The following RNLS variants were observed in gnomAD, a reference collection of about 807,000 sequenced individuals.
The protein encoded by RNLS is renalase.
RNLS carries 39 observed loss-of-function variants against 39.8 expected under a neutral mutation model. The observed-to-expected ratio is 0.98, with a 90% CI of 0.76 to 1.28. The LOEUF is 1.28. Ranked by LOEUF, RNLS falls within the 50% of genes most tolerant of loss-of-function variation. The pLI, the probability that RNLS is intolerant of heterozygous loss-of-function variation, is 0.00. For synonymous variants in RNLS, 147 were observed against 150.7 expected (o/e 0.98, Z 0.18); for missense variants, 410 against 413.3 (o/e 0.99, Z 0.07).
the RNLS span, among the ~76,000 whole-genome samples, chr10:88,205,939 A>G: frequency 6.6e-6 from 1 of 152,172 alleles, no homozygotes; most frequent in African/African-American, 2.4e-5. Flanking sequence ...TCTTGTTGCA[A>G]TGACCAACAG....
intron 4 of RNLS, among the ~76,000 whole-genome samples, chr10:88,437,736 A>G (rs1841489598): frequency 6.6e-6 from 1 of 152,136 alleles, no homozygotes; most frequent in East Asian, 1.9e-4. Context: ...TCTCATCCCT[A>G]GTTCTTATGA....
chr10:88,536,545 C>G (rs1193924816), intron 4 of RNLS, among the ~76,000 whole-genome samples: 3 of 152,164 alleles, frequency 2.0e-5, no homozygotes, highest in African/African-American at 4.8e-5. Context: ...ATCCTTTATA[C>G]TCTAGCTCCT....
At chr10:88,300,005 TA>T (rs1391797846) in intron 6 of RNLS, among the ~76,000 whole-genome samples, 2 of 152,204 alleles carry the variant, frequency 1.3e-5, no homozygotes, top group Non-Finnish European at 2.9e-5. Context: ...AAGAATGATA[TA>T]AGAAGGTGTC....
At chr10:88,182,374 AT>A in the RNLS span, among the ~76,000 whole-genome samples, 8 of 152,252 alleles carry the variant, frequency 5.3e-5, no homozygotes, top group East Asian at 1.5e-3. Context: ...CAGATAACAT[AT>A]TTAACATTTT....
intron 4 of RNLS, among the ~76,000 whole-genome samples, chr10:88,492,072 A>C (rs1844915994): frequency 6.6e-6 from 1 of 152,158 alleles, no homozygotes; most frequent in South Asian, 2.1e-4. Flanking sequence ...AACAAAGTTA[A>C]TAATCTGCTT....
chr10:88,560,631 C>A (rs2134383648), intron 4 of RNLS, among the ~76,000 whole-genome samples: 1 of 152,044 alleles, frequency 6.6e-6, no homozygotes, highest in Admixed American at 6.6e-5. Context: ...GGAGGGAGCT[C>A]CCAGGAGGAG....
intron 4 of RNLS, among the ~76,000 whole-genome samples, chr10:88,366,412 C>A (rs1850102949): frequency 6.6e-6 from 1 of 151,576 alleles, no homozygotes; most frequent in Non-Finnish European, 1.5e-5. Context: ...GTAGAGGAAG[C>A]CAGAAGTGGC....
intron 5 of RNLS, among the ~76,000 whole-genome samples, chr10:88,354,852 A>C (rs4575174): frequency 0.019 from 2,833 of 152,336 alleles, 60 homozygotes; most frequent in Middle Eastern, 0.072. Context: ...CGGGTACACC[A>C]ATCAGACGTA....
chr10:88,545,056 G>T (rs922759035), intron 4 of RNLS, among the ~76,000 whole-genome samples: 5 of 151,992 alleles, frequency 3.3e-5, no homozygotes, highest in Admixed American at 3.3e-4. Context: ...TGCTTTTTGG[G>T]TGTCTTACAT....
intron 4 of RNLS, among the ~76,000 whole-genome samples, chr10:88,451,075 G>A (rs935074087): frequency 1.3e-5 from 2 of 152,182 alleles, no homozygotes; most frequent in African/African-American, 2.4e-5. Flanking sequence ...GATATGAGAG[G>A]TGAGATGCAA....
chr10:88,305,162 C>T (rs1404466223), intron 6 of RNLS, among the ~76,000 whole-genome samples: 1 of 152,116 alleles, frequency 6.6e-6, no homozygotes, highest in Non-Finnish European at 1.5e-5. Context: ...ACTGAGGGAA[C>T]TCGTTACCAC....
intron 6 of RNLS, among the ~76,000 whole-genome samples, chr10:88,313,912 A>T (rs1177019774): frequency 6.6e-6 from 1 of 152,224 alleles, no homozygotes; most frequent in Non-Finnish European, 1.5e-5. Flanking sequence ...TTGAACTAGT[A>T]GAGTGATCAG....
rs577536705 is a variant in RNLS, at chr10:88,479,369, C to A, written c.526+93534G>T. Among the ~76,000 whole-genome samples, 56 of 152,230 alleles carry A rather than the reference C, an allele frequency of 3.7e-4. 1 individual carries two copies. In the South Asian group the frequency reaches 8.7e-3, roughly 24 times the overall value. ...ATCATTTTCATGTTTCCACCTGAAG[C>A]AGTAAGTAGGACACATTTTAATAGC... On this transcript the variant is annotated intron_variant, in intron 4 of 6. Transcript: ENST00000331772.
chr10:88,304,618 T>G (rs1042197450), intron 6 of RNLS, among the ~76,000 whole-genome samples: 29 of 152,144 alleles, frequency 1.9e-4, no homozygotes, highest in African/African-American at 6.5e-4. Context: ...CTTTCTGAAA[T>G]AAGATGGTCA....
At chr10:88,266,726 C>T in the RNLS span, among the ~76,000 whole-genome samples, 1 of 149,812 alleles carries the variant, frequency 6.7e-6, no homozygotes, top group Non-Finnish European at 1.5e-5. Flanking sequence ...CACACACACA[C>T]ACACACACAC....
chr10:88,403,490 T>C (rs1301248240), intron 4 of RNLS, among the ~76,000 whole-genome samples: 1 of 152,088 alleles, frequency 6.6e-6, no homozygotes, highest in Non-Finnish European at 1.5e-5. Context: ...AATAATATGA[T>C]GCCTGAAATT....
At chr10:88,377,783 T>C (rs1851134050) in intron 4 of RNLS, among the ~76,000 whole-genome samples, 1 of 152,218 alleles carries the variant, frequency 6.6e-6, no homozygotes, top group Non-Finnish European at 1.5e-5. Context: ...ACTGTACACA[T>C]AGGCTACTCT....
the RNLS span, among the ~76,000 whole-genome samples, chr10:88,196,618 C>A: frequency 6.6e-6 from 1 of 152,172 alleles, no homozygotes. Flanking sequence ...TATCTGCTTC[C>A]CCTCAGCTTG....
At chr10:88,449,426 CCTT>C (rs1432449773) in intron 4 of RNLS, among the ~76,000 whole-genome samples, 5 of 152,184 alleles carry the variant, frequency 3.3e-5, no homozygotes, top group African/African-American at 4.8e-5. Flanking sequence ...TCAAGTGTCA[CCTT>C]CTCTAGGAAG....
Sources: gnomAD v4.1 joint callset for allele counts (sites outside exome capture counted in the v4.1 genomes callset) on GRCh38, gnomAD v4.1.1 for gene constraint, MANE v1.5 for transcripts, NCBI Gene and HGNC (gene_info 2026-07-23, HGNC 2026-07-21) for gene names.